KCND3: variants seen among roughly 807,000 people sequenced by gnomAD.
KCND3 encodes the protein potassium voltage-gated channel subfamily D member 3.
A neutral mutation model predicts 51.1 loss-of-function variants in KCND3; 9 were observed. The observed-to-expected ratio is 0.18, with a 90% CI of 0.11 to 0.31. The LOEUF (loss-of-function observed/expected upper bound fraction) is 0.31. Ranked by LOEUF, KCND3 falls within the 10% of genes least tolerant of loss-of-function variation. The probability of loss-of-function intolerance (pLI) is 1.00; values close to 1 mark genes in which losing one functional copy is unlikely to be tolerated. For missense variants in KCND3, 526 were observed against 903.8 expected, an observed-to-expected ratio of 0.58 and a Z score of 5.36; for synonymous variants, 349 against 368.0, an observed-to-expected ratio of 0.95 and a Z score of 0.59.
chr1:111,875,278 G>C (rs1669002345), intron 2 of KCND3, among the ~76,000 whole-genome samples: 2 of 152,190 alleles, frequency 1.3e-5, no homozygotes, highest in Non-Finnish European at 1.5e-5. Flanking sequence ...AGAGGGCTGT[G>C]TCAGGTGAGA....
rs771342858 is a variant in KCND3, at chr1:111,866,579, A to AACACACACACACACACACAC, written c.1107-79493_1107-79474dup. On this transcript the variant is annotated intron_variant, in intron 2 of 7. Coordinates refer to ENST00000302127, the MANE Select transcript of KCND3 (RefSeq NM_001378969.1). ...TGTGCCTGACCTGTTTGTTTCTTTAAACACACACACACACACACACACACA... is the reference window on the plus strand; with the variant it reads ...TGTGCCTGACCTGTTTGTTTCTTTAAACACACACACACACACACACACACACACACACACACACACACACA... Among the ~76,000 whole-genome samples the AACACACACACACACACACAC allele has an allele frequency of 1.3e-3, 167 of 126,812 alleles. 4 individuals carry two copies. Among genetic ancestry groups the AACACACACACACACACACAC allele is most frequent in the African/African-American group, 2.6e-3 (83 of 32,274 alleles). The allele number at this position is 126,812 out of a possible 152,430, so 83.2% of individuals were successfully genotyped here.
intron 2 of KCND3, among the ~76,000 whole-genome samples, chr1:111,964,788 C>T (rs536221946): frequency 1.3e-5 from 2 of 152,216 alleles, no homozygotes; most frequent in South Asian, 2.1e-4. Flanking sequence ...TAAGCAATGA[C>T]GAGAGAGGGA....
intron 3 of KCND3, among the ~76,000 whole-genome samples, chr1:111,781,422 C>T (rs1383106152): frequency 6.6e-6 from 1 of 152,214 alleles, no homozygotes; most frequent in African/African-American, 2.4e-5. Context: ...GCCTTGTTTA[C>T]TGATGTACCC....
intron 2 of KCND3, among the ~76,000 whole-genome samples, chr1:111,836,370 C>A (rs1023773745): frequency 6.6e-6 from 1 of 152,212 alleles, no homozygotes; most frequent in Non-Finnish European, 1.5e-5. Flanking sequence ...ATCGCACTCC[C>A]TCCCAGTAAT....
chr1:111,780,951 G>C lies in KCND3; in HGVS notation c.1270-160C>G, dbSNP rs1256138374. 1.3e-5 allele frequency among the ~76,000 whole-genome samples: 2 copies of C among 152,168 alleles called. No individual in the cohort carries two copies. The highest frequency in any genetic ancestry group is 4.8e-5 in the African/African-American group (2 of 41,436). On this transcript the variant is annotated intron_variant, in intron 3 of 7. Transcript: ENST00000302127. The surrounding 1 kb of genome is among the most constrained non-coding windows in gnomAD (Gnocchi z 4.2). Reference sequence around the variant, plus strand: ...GCATCTCCAGTTGTGTACCCACTTTGTATAGCTTGGTTGGGTCAGAATTCC... The same window carrying C: ...GCATCTCCAGTTGTGTACCCACTTTCTATAGCTTGGTTGGGTCAGAATTCC...
At chr1:111,984,749 G>A (rs1276477124) in intron 1 of KCND3, among the ~76,000 whole-genome samples, 4 of 152,144 alleles carry the variant, frequency 2.6e-5, no homozygotes, top group Non-Finnish European at 5.9e-5. Context: ...ACCAAGACCT[G>A]TTCATGGACA....
intron 2 of KCND3, among the ~76,000 whole-genome samples, chr1:111,864,290 G>A (rs1381690120): frequency 6.6e-6 from 1 of 152,154 alleles, no homozygotes; most frequent in Non-Finnish European, 1.5e-5. Context: ...GAACAGTGGA[G>A]GGTACTCCCA....
intron 2 of KCND3, among the ~76,000 whole-genome samples, chr1:111,833,805 G>A (rs953613437): frequency 8.6e-5 from 13 of 151,710 alleles, no homozygotes; most frequent in African/African-American, 2.9e-4. Flanking sequence ...AGGTGGTGGT[G>A]GGCAGTGGTG....
chr1:111,977,205 G>C (rs1454115047), intron 2 of KCND3, among the ~76,000 whole-genome samples: 1 of 152,198 alleles, frequency 6.6e-6, no homozygotes. Context: ...GGAGGCAGTA[G>C]ATAAAGGTGC....
At chr1:111,870,331 G>T (rs1274014170) in intron 2 of KCND3, among the ~76,000 whole-genome samples, 3 of 152,146 alleles carry the variant, frequency 2.0e-5, no homozygotes, top group Admixed American at 6.5e-5. Context: ...AGGCATTAGG[G>T]GGCAATTGCA....
intron 2 of KCND3, among the ~76,000 whole-genome samples, chr1:111,881,153 GA>G (rs1669288639): frequency 6.6e-6 from 1 of 152,206 alleles, no homozygotes; most frequent in Admixed American, 6.5e-5. Context: ...TATTTGGCTT[GA>G]CTCCATCCAG....
chr1:111,980,379 G>A (rs1674883071), intron 2 of KCND3, among the ~76,000 whole-genome samples: 1 of 152,144 alleles, frequency 6.6e-6, no homozygotes, highest in Admixed American at 6.5e-5. Context: ...CTTGTGTGTG[G>A]CAGAATGACA....
intron 2 of KCND3, among the ~76,000 whole-genome samples, chr1:111,854,492 A>G (rs1326187957): frequency 1.3e-5 from 2 of 152,116 alleles, no homozygotes; most frequent in African/African-American, 4.8e-5. Context: ...CAGAGGCAGA[A>G]AGGCAGAAAC....
intron 2 of KCND3, among the ~76,000 whole-genome samples, chr1:111,929,248 C>T (rs765129624): frequency 4.6e-5 from 7 of 152,158 alleles, no homozygotes; most frequent in Non-Finnish European, 8.8e-5. Flanking sequence ...GCATTCTGCC[C>T]CCCACAACCC....
At chr1:111,976,982 T>A (rs1674668300) in intron 2 of KCND3, among the ~76,000 whole-genome samples, 1 of 152,252 alleles carries the variant, frequency 6.6e-6, no homozygotes, top group Admixed American at 6.5e-5. Context: ...TTCTGCACCC[T>A]CTCTTAAGAA....
chr1:111,906,161 T>G (rs1670640994), intron 2 of KCND3, among the ~76,000 whole-genome samples: 2 of 152,164 alleles, frequency 1.3e-5, no homozygotes, highest in South Asian at 4.1e-4. Flanking sequence ...TTTCCTAGAC[T>G]CATTAGTTTG....
intron 2 of KCND3, among the ~76,000 whole-genome samples, chr1:111,828,286 C>T (rs1666670805): frequency 2.0e-5 from 3 of 152,286 alleles, no homozygotes; most frequent in Non-Finnish European, 4.4e-5. Context: ...TCTTTGTGAA[C>T]AAGGATAGGA....
intron 2 of KCND3, among the ~76,000 whole-genome samples, chr1:111,898,419 TATC>T (rs533648447): frequency 9.3e-4 from 141 of 152,274 alleles, no homozygotes; most frequent in African/African-American, 3.2e-3. Flanking sequence ...AAAAAGACCT[TATC>T]ATTCTGATCA....
intron 2 of KCND3, among the ~76,000 whole-genome samples, chr1:111,925,835 C>G (rs1671672398): frequency 6.6e-6 from 1 of 152,082 alleles, no homozygotes; most frequent in African/African-American, 2.4e-5. Context: ...AACCCCCCAA[C>G]ATGAGATTAA....
Sources: allele counts gnomAD v4.1 joint callset (sites outside exome capture counted in the v4.1 genomes callset), GRCh38; gene constraint gnomAD v4.1.1; non-coding constraint Gnocchi (gnomAD v3.1); transcripts MANE v1.5; gene names NCBI Gene and HGNC (gene_info 2026-07-23, HGNC 2026-07-21).